PABPC4L: variants seen among roughly 807,000 people sequenced by gnomAD.
PABPC4L encodes the protein poly(A) binding protein cytoplasmic 4 like.
For missense variants in PABPC4L, 452 were observed against 451.4 expected, an observed-to-expected ratio of 1.00 and a Z score of -0.01; for synonymous variants, 169 against 164.1, an observed-to-expected ratio of 1.03 and a Z score of -0.23.
chr4:134,019,152 G>A, the PABPC4L span, among the ~76,000 whole-genome samples: 1 of 152,104 alleles, frequency 6.6e-6, no homozygotes, highest in African/African-American at 2.4e-5. Context: ...CCATATGAAT[G>A]AAGTTGAATA....
the PABPC4L span, among the ~76,000 whole-genome samples, chr4:134,181,912 G>A: frequency 1.3e-5 from 2 of 151,192 alleles, no homozygotes; most frequent in Non-Finnish European, 3.0e-5. Flanking sequence ...CTCATAGATA[G>A]GAAGTATCAA....
the PABPC4L span, among the ~76,000 whole-genome samples, chr4:134,097,104 C>T: frequency 1.3e-5 from 2 of 151,806 alleles, no homozygotes; most frequent in Non-Finnish European, 2.9e-5. Context: ...AATTTGATTA[C>T]CTGCCCTAGC....
At chr4:133,960,796 C>G in the PABPC4L span, among the ~76,000 whole-genome samples, 15 of 152,038 alleles carry the variant, frequency 9.9e-5, no homozygotes, top group Non-Finnish European at 2.1e-4. Context: ...GTGGCTTCCT[C>G]CCACTTCCCT....
At chr4:134,125,604 C>A in the PABPC4L span, among the ~76,000 whole-genome samples, 1 of 152,054 alleles carries the variant, frequency 6.6e-6, no homozygotes, top group African/African-American at 2.4e-5. Context: ...AAACAATAAA[C>A]AAAGAATCAT....
chr4:134,005,374 G>A, the PABPC4L span, among the ~76,000 whole-genome samples: 1 of 151,716 alleles, frequency 6.6e-6, no homozygotes, highest in African/African-American at 2.4e-5. Flanking sequence ...TCTTTTATTA[G>A]TACAACAGAA....
At chr4:133,955,388 A>G in the PABPC4L span, among the ~76,000 whole-genome samples, 1 of 152,152 alleles carries the variant, frequency 6.6e-6, no homozygotes, top group Admixed American at 6.5e-5. Context: ...TGATCTTAAA[A>G]TTTTCAACTA....
At chr4:134,176,094 G>A in the PABPC4L span, among the ~76,000 whole-genome samples, 1 of 151,994 alleles carries the variant, frequency 6.6e-6, no homozygotes, top group East Asian at 1.9e-4. Flanking sequence ...GTTTGAAGAG[G>A]TAAATCAGAA....
At chr4:134,015,770 C>A in the PABPC4L span, among the ~76,000 whole-genome samples, 1 of 152,136 alleles carries the variant, frequency 6.6e-6, no homozygotes, top group Non-Finnish European at 1.5e-5. Flanking sequence ...TTTATCCAAA[C>A]AACTTGACCT....
the PABPC4L span, among the ~76,000 whole-genome samples, chr4:134,117,059 T>C: frequency 6.6e-6 from 1 of 151,682 alleles, no homozygotes; most frequent in African/African-American, 2.4e-5. Context: ...CTATCCTTTC[T>C]TTCTTCTATA....
the PABPC4L span, among the ~76,000 whole-genome samples, chr4:134,068,739 C>G: frequency 6.7e-6 from 1 of 150,164 alleles, no homozygotes; most frequent in East Asian, 2.0e-4. Flanking sequence ...GACAGGGTCT[C>G]GCTCTGTTGC....
the PABPC4L span, among the ~76,000 whole-genome samples, chr4:134,187,623 G>C: frequency 6.6e-6 from 1 of 151,924 alleles, no homozygotes; most frequent in Non-Finnish European, 1.5e-5. Context: ...CACATACACA[G>C]TAAGAATCAA....
chr4:134,172,572 A>C, the PABPC4L span, among the ~76,000 whole-genome samples: 2 of 152,144 alleles, frequency 1.3e-5, no homozygotes, highest in Non-Finnish European at 2.9e-5. Context: ...GAGATAATCT[A>C]GAAAATACCA....
the PABPC4L span, among the ~76,000 whole-genome samples, chr4:133,962,355 G>A: frequency 4.2e-3 from 646 of 152,278 alleles, 4 homozygotes; most frequent in African/African-American, 0.013. Flanking sequence ...AGAGAAAGGC[G>A]AAGCCCAATG....
the PABPC4L span, among the ~76,000 whole-genome samples, chr4:134,101,075 T>G: frequency 6.6e-6 from 1 of 151,622 alleles, no homozygotes; most frequent in South Asian, 2.1e-4. Flanking sequence ...CAATCTATAT[T>G]TTGCAACTCT....
the PABPC4L span, among the ~76,000 whole-genome samples, chr4:134,160,517 CTG>C: frequency 6.6e-6 from 1 of 152,180 alleles, no homozygotes; most frequent in Non-Finnish European, 1.5e-5. Flanking sequence ...CAAGCCCAGA[CTG>C]TGAATATTGT....
At chr4:134,036,077 T>G in the PABPC4L span, among the ~76,000 whole-genome samples, 2 of 152,136 alleles carry the variant, frequency 1.3e-5, no homozygotes, top group South Asian at 4.1e-4. Flanking sequence ...AGATGAGGTT[T>G]GGGTGGGGAC....
chr4:134,054,805 A>G, the PABPC4L span, among the ~76,000 whole-genome samples: 3 of 152,016 alleles, frequency 2.0e-5, no homozygotes, highest in African/African-American at 7.2e-5. Context: ...GGGTATCTAG[A>G]CTGTACAAAT....
the PABPC4L span, among the ~76,000 whole-genome samples, chr4:134,067,187 T>A: frequency 1.3e-5 from 2 of 152,136 alleles, no homozygotes; most frequent in Non-Finnish European, 2.9e-5. Flanking sequence ...TGGTAGGTTT[T>A]TTACTACTTA....
At chr4:134,079,504 G>A in the PABPC4L span, among the ~76,000 whole-genome samples, 23 of 145,202 alleles carry the variant, frequency 1.6e-4, no homozygotes, top group African/African-American at 5.8e-4. Flanking sequence ...GCATGAACCC[G>A]GGAGGCAGAG....
Sources: gnomAD v4.1 joint callset for allele counts (sites outside exome capture counted in the v4.1 genomes callset) on GRCh38, gnomAD v4.1.1 for gene constraint, MANE v1.5 for transcripts, NCBI Gene and HGNC (gene_info 2026-07-23, HGNC 2026-07-21) for gene names.